The following MKI67 variants were observed in gnomAD, a reference collection of about 807,000 sequenced individuals.
MKI67 encodes marker of proliferation Ki-67.
MKI67 carries 152 observed loss-of-function variants against 233.5 expected under a neutral mutation model. The ratio of observed to expected loss-of-function variants is 0.65; its 90% CI spans 0.57 to 0.74. The LOEUF (loss-of-function observed/expected upper bound fraction) is 0.74, where lower values mean the gene tolerates loss of function less well. MKI67 is among the 30% of genes least tolerant of loss of function. The pLI is 0.00. For missense variants in MKI67, 3,940 were observed against 3,885.2 expected (o/e 1.01, Z -0.37); for synonymous variants, 1,465 against 1,418.5 (o/e 1.03, Z -0.74).
At chr10:128,116,154 C>A in intron 6 of MKI67, 147 bp from the exon 7 acceptor site, 1 of 882,014 alleles carries the variant, frequency 1.1e-6, no homozygotes, top group Non-Finnish European at 1.7e-6. Context: ...CTAAAACTTG[C>A]AAGTCTTATG....
chr10:128,113,507 G>T lies in MKI67; in HGVS notation c.1576C>A (p.Pro526Thr). 1 of 1,614,132 alleles carries T rather than the reference G, an allele frequency of 6.2e-7. No individual in the cohort carries two copies. Among genetic ancestry groups the T allele is most frequent in the Non-Finnish European group, 8.5e-7 (1 of 1,180,014 alleles). Reference sequence around the variant, plus strand: ...GTTGGGGCTTCTCCCCTTTTGAGAGGCGTATTAGGAGGCAAGTTTTCATCA... The same window carrying T: ...GTTGGGGCTTCTCCCCTTTTGAGAGTCGTATTAGGAGGCAAGTTTTCATCA... ...LFDENLPPNT[P>T]LKRGEAPTKR... The change falls in exon 8 of 15, where the codon CCT (proline) becomes ACT (threonine). Residue 526 changes from proline to threonine, a missense_variant. Pro to Thr is a conservative substitution (Grantham distance 38). Coordinates refer to ENST00000368654, the MANE Select transcript of MKI67 (RefSeq NM_002417.5).
In MKI67 at chr10:128,105,796, A is replaced by G; in HGVS notation, c.6044T>C (p.Val2015Ala). 2 of 1,613,998 alleles carry G rather than the reference A, an allele frequency of 1.2e-6. No individual in the cohort carries two copies. Among genetic ancestry groups the G allele is most frequent in the Non-Finnish European group, 8.5e-7 (1 of 1,180,006 alleles). ...CCCTGACGTCTGTGTGAGCTTGCCG[A>G]CTGGTAGGACCTCTTCTTTCACACC... ...KVGVKEEVLP[V>A]GKLTQTSGKT... Residue 2015 changes from valine to alanine, a missense_variant, in exon 13 of 15, where the codon GTC becomes GCC. Physicochemically the swap from Val to Ala is moderately conservative, Grantham distance 64. Coordinates refer to ENST00000368654, the MANE Select transcript of MKI67 (RefSeq NM_002417.5).
intron 5 of MKI67, among the ~76,000 whole-genome samples, chr10:128,116,819 A>G (rs1398752128): frequency 4.6e-5 from 7 of 152,220 alleles, no homozygotes; most frequent in African/African-American, 1.7e-4. Flanking sequence ...AGGCAGGAGA[A>G]TTGCTGGAAC....
rs566806586 is a variant in MKI67 at position 128,097,202 on chromosome 10, C to A, written c.*1988G>T. The A allele has an allele frequency of 1.3e-5, 2 of 152,266 alleles. No individual in the cohort carries two copies. Among genetic ancestry groups the A allele is most frequent in the East Asian group, 3.9e-4 (2 of 5,178 alleles). The allele number at this position is 152,266 out of a possible 1,614,324, so 9.4% of individuals were successfully genotyped here. A position where few individuals can be genotyped will look rare whatever the true frequency, so the allele number is the denominator to read the frequency against. On this transcript the variant is annotated 3_prime_UTR_variant, in exon 15 of 15. Transcript: ENST00000368654. ...ACTGAAGCTCAGAGAAGTTACCATACCATGGTGGAAATGGGTGGGTATTTG... is the reference window on the plus strand; with the variant it reads ...ACTGAAGCTCAGAGAAGTTACCATAACATGGTGGAAATGGGTGGGTATTTG...
rs149512973 is a variant in MKI67 at position 128,111,984 on chromosome 10, T to C, written c.2031A>G (p.Ile677Met). 2.2e-5 allele frequency: 36 copies of C among 1,613,766 alleles called. No homozygotes were observed. Among genetic ancestry groups the C allele is most frequent in the Admixed American group, 1.0e-4 (6 of 59,930 alleles). The part of the protein sequence containing the change: ...LGAKQTQTKV[I>M]KHGPQRSMNK... ...TCATTGACCTTTGAGGACCATGTTT[T>C]ATGACTTTAGTTTGTGTTTGTTTTG... Residue 677 changes from isoleucine to methionine, a missense_variant, in exon 10 of 15, where the codon ATA (isoleucine) becomes ATG (methionine). Physicochemically the swap from Ile to Met is conservative, Grantham distance 10 (BLOSUM62 1). Coordinates refer to ENST00000368654, the MANE Select transcript of MKI67 (RefSeq NM_002417.5).
chr10:128,101,973 A>G (rs1852347029), intron 13 of MKI67, among the ~76,000 whole-genome samples: 1 of 152,234 alleles, frequency 6.6e-6, no homozygotes, highest in African/African-American at 2.4e-5. Context: ...TATATATCAA[A>G]TCTAATTTTT....
In MKI67 at chr10:128,105,026, C is replaced by A; in HGVS notation, c.6814G>T (p.Ala2272Ser). Residue 2272 changes from alanine to serine, a missense_variant, in exon 13 of 15, where the codon GCA becomes TCA. Coordinates refer to ENST00000368654, the MANE Select transcript of MKI67 (RefSeq NM_002417.5). ...TTCATGTCTTTCTCATCACCTCCTGCTGGTTTGGGTGTGTCCATAGCTTTC... is the reference window on the plus strand; with the variant it reads ...TTCATGTCTTTCTCATCACCTCCTGATGGTTTGGGTGTGTCCATAGCTTTC... ...VGKAMDTPKP[A>S]GGDEKDMKAF... is the part of the protein sequence containing the mutation. The A allele has an allele frequency of 1.2e-6, 2 of 1,613,550 alleles. No homozygotes were observed. The highest frequency in any genetic ancestry group is 1.7e-6 in the Non-Finnish European group (2 of 1,179,942).
rs756109830 is a variant in MKI67 at position 128,102,824 on chromosome 10, C to T, written c.9016G>A (p.Val3006Ile). 62 of 1,614,200 alleles carry T rather than the reference C, an allele frequency of 3.8e-5. No individual in the cohort carries two copies. Among genetic ancestry groups the T allele is most frequent in the Middle Eastern group, 1.6e-4 (1 of 6,062 alleles). The part of the protein sequence containing the change: ...FKRGGGKDGS[V>I]TGTKRLRCMP... ...CAGCGCAGCCTCTTGGTTCCCGTGA[C>T]GCTTCCATCTTTGCCACCTCCCCTC... Residue 3006 changes from valine to isoleucine, a missense_variant, in exon 13 of 15, where the codon GTC becomes ATC. Coordinates refer to ENST00000368654, the MANE Select transcript of MKI67 (RefSeq NM_002417.5).
chr10:128,102,440 C>G, intron 13 of MKI67, 139 bp downstream of exon 13: 1 of 1,017,506 alleles, frequency 9.8e-7, no homozygotes, highest in Non-Finnish European at 1.4e-6. Context: ...TTTACCATGG[C>G]CTGCAGTTAT....
In MKI67 at chr10:128,111,804, C is replaced by T. The variant is rs542616509; in HGVS notation, c.2101G>A (p.Glu701Lys). 2.0e-5 allele frequency: 32 copies of T among 1,612,504 alleles called. No individual in the cohort carries two copies. The East Asian group carries it at 2.9e-4, about 15-fold the overall frequency. The change falls in exon 11 of 15, where the codon GAA becomes AAA. Residue 701 changes from glutamate (E) to lysine (K), a missense_variant. Physicochemically the swap from Glu to Lys is moderately conservative, Grantham distance 56 (BLOSUM62 1). Coordinates refer to ENST00000368654, the MANE Select transcript of MKI67 (RefSeq NM_002417.5). ...CCTGTACTAAATTGACTGTGAACTT[C>T]GCCCACAGGCTTCTGTAGAAAACAG... Reference protein sequence around the residue: ...RPATPKKPVGEVHSQFSTGHA... With the variant: ...RPATPKKPVGKVHSQFSTGHA...
rs377559359 is a variant in MKI67, at chr10:128,108,679, G to A, written c.3161C>T (p.Thr1054Met). 108 of 1,614,086 alleles carry A rather than the reference G, an allele frequency of 6.7e-5. No homozygotes were observed. In the East Asian group the frequency reaches 1.4e-3, roughly 22 times the overall value. Residue 1054 changes from threonine (T) to methionine (M), a missense_variant, in exon 13 of 15, where the codon ACG (threonine) becomes ATG (methionine). Physicochemically the swap from Thr to Met is moderately conservative, Grantham distance 81. Transcript: ENST00000368654. ...FTRTSGETTH[T>M]HREPAGDGKS... ...GCCATCTCCTGCTGGCTCTCTGTGC[G>A]TGTGCGTGGTCTCCCCTGACGTCCG...
Position 128,105,558 on chromosome 10 carries a change from A to T in MKI67, c.6282T>A (p.Thr2094=). Residue 2094 remains threonine (T), a synonymous_variant, in exon 13 of 15, where the codon ACT becomes ACA. Coordinates refer to ENST00000368654, the MANE Select transcript of MKI67 (RefSeq NM_002417.5). ...QTPDHTEEST[T]DDKTTKIACK... is the part of the protein sequence containing the mutation. ...AGGCTATTTTGGTAGTTTTGTCATC[A>T]GTTGTTGATTCCTCAGTGTGGTCTG... 1 of 1,613,708 alleles carries T rather than the reference A, an allele frequency of 6.2e-7. No homozygotes were observed. The highest frequency in any genetic ancestry group is 8.5e-7 in the Non-Finnish European group (1 of 1,179,974).
At chr10:128,124,421 C>T (rs1425565900) in intron 2 of MKI67, among the ~76,000 whole-genome samples, 5 of 152,168 alleles carry the variant, frequency 3.3e-5, no homozygotes, top group Admixed American at 1.3e-4. Flanking sequence ...ACCTCTCCTC[C>T]GCGATGACAG....
Position 128,104,180 on chromosome 10 carries a change from G to A in MKI67, c.7660C>T (p.Arg2554Cys), listed in dbSNP as rs145678978. 671 of 1,613,648 alleles carry A rather than the reference G, an allele frequency of 4.2e-4. 1 individual carries two copies. In the African/African-American group the frequency reaches 5.4e-3, roughly 13 times the overall value. Residue 2554 changes from arginine (R) to cysteine (C), a missense_variant, in exon 13 of 15, where the codon CGT becomes TGT. By Grantham distance (180) the Arg-to-Cys change is radical. Coordinates refer to ENST00000368654, the MANE Select transcript of MKI67 (RefSeq NM_002417.5). ...RQLRTRKEKARALEDLVDFKE... is the reference protein window; with the variant it reads ...RQLRTRKEKACALEDLVDFKE... Reference sequence around the variant, plus strand: ...AAGTCAACCAGGTCTTCTAGAGCACGGGCCTTTTCCTTACGAGTTCTCAGC... The same window carrying A: ...AAGTCAACCAGGTCTTCTAGAGCACAGGCCTTTTCCTTACGAGTTCTCAGC...
At position 128,097,292 on chromosome 10, in the gene MKI67, C is replaced by G. The variant is rs959206015; in HGVS notation, c.*1898G>C. On this transcript the variant is annotated 3_prime_UTR_variant, in exon 15 of 15. Coordinates refer to ENST00000368654, the MANE Select transcript of MKI67 (RefSeq NM_002417.5). The stretch of plus-strand genomic sequence containing the variant: ...GTCAGATCTCTCCCTCCCCCAGTAC[C>G]AAGGAGGGTTGTGTAGAAGTGGTGT... The G allele has an allele frequency of 2.0e-5, 3 of 152,106 alleles. No homozygotes were observed. The highest frequency in any genetic ancestry group is 1.3e-4 in the Admixed American group (2 of 15,280). The allele number at this position is 152,106 out of a possible 1,614,324, so 9.4% of individuals were successfully genotyped here. A position where few individuals can be genotyped will look rare whatever the true frequency, so the allele number is the denominator to read the frequency against.
rs200086427 is a variant in MKI67 at position 128,108,671 on chromosome 10, C to T, written c.3169G>A (p.Glu1057Lys). 2 of 1,614,194 alleles carry T rather than the reference C, an allele frequency of 1.2e-6. No homozygotes were observed. Among genetic ancestry groups the T allele is most frequent in the Admixed American group, 1.7e-5 (1 of 60,020 alleles). ...TSGETTHTHREPAGDGKSIRT... is the reference protein window; with the variant it reads ...TSGETTHTHRKPAGDGKSIRT... ...ATGCTCTTGCCATCTCCTGCTGGCTCTCTGTGCGTGTGCGTGGTCTCCCCT... is the reference window on the plus strand; with the variant it reads ...ATGCTCTTGCCATCTCCTGCTGGCTTTCTGTGCGTGTGCGTGGTCTCCCCT... The change falls in exon 13 of 15, where the codon GAG (glutamate) becomes AAG (lysine). Residue 1057 changes from glutamate (E) to lysine (K), a missense_variant. By Grantham distance (56) the Glu-to-Lys change is moderately conservative. Coordinates refer to ENST00000368654, the MANE Select transcript of MKI67 (RefSeq NM_002417.5).
intron 5 of MKI67, among the ~76,000 whole-genome samples, chr10:128,117,865 C>T (rs766730979): frequency 3.3e-5 from 5 of 152,196 alleles, no homozygotes; most frequent in Non-Finnish European, 5.9e-5. Flanking sequence ...ACTACATACT[C>T]CATTTCAGTA....
At chr10:128,101,132 A>T in intron 14 of MKI67, 126 bp downstream of exon 14, 1 of 837,092 alleles carries the variant, frequency 1.2e-6, no homozygotes, top group Non-Finnish European at 1.9e-6. Context: ...TCCTTCCATT[A>T]ATGTAACTGG....
chr10:128,103,366 C>T lies in MKI67; in HGVS notation c.8474G>A (p.Cys2825Tyr), dbSNP rs1852389348. 1 of 1,613,908 alleles carries T rather than the reference C, an allele frequency of 6.2e-7. No homozygotes were observed. Among genetic ancestry groups the T allele is most frequent in the African/African-American group, 1.3e-5 (1 of 74,864 alleles). The change falls in exon 13 of 15, where the codon TGC (cysteine) becomes TAC (tyrosine). Residue 2825 changes from cysteine to tyrosine, a missense_variant. Transcript: ENST00000368654. ...MTDDKTTKIP[C>Y]KSSPELEDTA... Reference sequence around the variant, plus strand: ...GTCTTCTAGTTCTGGTGATGATTTGCAGGGTATTTTAGTGGTTTTGTCATC... The same window carrying T: ...GTCTTCTAGTTCTGGTGATGATTTGTAGGGTATTTTAGTGGTTTTGTCATC...
Sources: gnomAD v4.1 joint callset for allele counts (sites outside exome capture counted in the v4.1 genomes callset) on GRCh38, gnomAD v4.1.1 for gene constraint, MANE v1.5 for transcripts, NCBI Gene and HGNC (gene_info 2026-07-23, HGNC 2026-07-21) for gene names.